Variants in KCNN2 observed in about 807,000 individuals in gnomAD.
The protein encoded by KCNN2 is potassium calcium-activated channel subfamily N member 2, also known as small conductance calcium-activated potassium channel protein 2.
Under a neutral mutation model 55.5 loss-of-function variants are expected in KCNN2, and 24 were observed. That is an observed-to-expected ratio of 0.43 (90% CI 0.31 to 0.61). The LOEUF (loss-of-function observed/expected upper bound fraction) is 0.61. KCNN2 is among the 20% of genes least tolerant of loss of function. The pLI, the probability that KCNN2 is intolerant of heterozygous loss-of-function variation, is 0.08. For synonymous variants in KCNN2, 431 were observed against 336.1 expected, an observed-to-expected ratio of 1.28 and a Z score of -3.09; for missense variants, 754 against 853.6, an observed-to-expected ratio of 0.88 and a Z score of 1.45.
intron 3 of KCNN2, among the ~76,000 whole-genome samples, chr5:114,410,672 A>G (rs2150074451): frequency 6.6e-6 from 1 of 152,172 alleles, no homozygotes; most frequent in Non-Finnish European, 1.5e-5. Context: ...TTGGGGATGG[A>G]AAGGAAAAGA....
intron 2 of KCNN2, among the ~76,000 whole-genome samples, chr5:114,286,266 C>A (rs1261951872): frequency 2.0e-5 from 3 of 152,058 alleles, no homozygotes; most frequent in Non-Finnish European, 4.4e-5. Flanking sequence ...ATGGGAAGGG[C>A]AGGATTAGAG....
At chr5:114,318,828 G>T (rs1386617486) in intron 2 of KCNN2, among the ~76,000 whole-genome samples, 1 of 151,866 alleles carries the variant, frequency 6.6e-6, no homozygotes, top group South Asian at 2.1e-4. Context: ...GGGAAATCTT[G>T]TTTCCTATAT....
At chr5:114,364,126 G>T in intron 2 of KCNN2, 125 bp downstream of exon 2, 1 of 690,434 alleles carries the variant, frequency 1.4e-6, no homozygotes, top group South Asian at 1.7e-5. Context: ...GACACATGCT[G>T]TATTGTTACC....
chr5:114,307,464 C>T (rs1189858294), intron 2 of KCNN2, among the ~76,000 whole-genome samples: 1 of 152,124 alleles, frequency 6.6e-6, no homozygotes, highest in African/African-American at 2.4e-5. Flanking sequence ...TCAACCTTTC[C>T]TCTGATGCTT....
chr5:114,175,518 T>C (rs1753116903), intron 1 of KCNN2, among the ~76,000 whole-genome samples: 1 of 152,148 alleles, frequency 6.6e-6, no homozygotes, highest in Non-Finnish European at 1.5e-5. Flanking sequence ...TTTGTTGATA[T>C]ACTCAAAGAG....
chr5:114,093,118 A>C (rs1175336330), intron 1 of KCNN2, among the ~76,000 whole-genome samples: 2 of 152,082 alleles, frequency 1.3e-5, no homozygotes, highest in Non-Finnish European at 2.9e-5. Flanking sequence ...CATAAGTTCC[A>C]ATTTCAGATC....
chr5:114,157,352 T>A (rs540412345), intron 1 of KCNN2, among the ~76,000 whole-genome samples: 22 of 152,286 alleles, frequency 1.4e-4, no homozygotes, highest in Non-Finnish European at 2.6e-4. Context: ...TTTTTATGGC[T>A]GCCTAGTATT....
At chr5:114,309,902 C>T (rs1037573942) in intron 2 of KCNN2, among the ~76,000 whole-genome samples, 3 of 152,066 alleles carry the variant, frequency 2.0e-5, no homozygotes, top group South Asian at 4.1e-4. Flanking sequence ...TTTTGAAAGA[C>T]GAAAATAGAG....
chr5:114,397,374 C>T (rs570796299), intron 2 of KCNN2, among the ~76,000 whole-genome samples: 1 of 152,218 alleles, frequency 6.6e-6, no homozygotes, highest in African/African-American at 2.4e-5. Context: ...TCTGCAACCT[C>T]ACCAGCATCT....
chr5:114,342,216 A>T (rs1171246294), intron 2 of KCNN2, among the ~76,000 whole-genome samples: 6 of 144,406 alleles, frequency 4.2e-5, no homozygotes, highest in South Asian at 4.6e-4. Flanking sequence ...TTTTTTTTTT[A>T]AATTATATCT....
At chr5:114,492,886 GT>G (rs35402367) in intron 6 of KCNN2, among the ~76,000 whole-genome samples, 337 of 147,826 alleles carry the variant, frequency 2.3e-3, no homozygotes, top group African/African-American at 6.8e-3. Context: ...TTGAATAAAA[GT>G]TTTTTTTTTT....
chr5:114,251,399 C>G (rs546959365), intron 2 of KCNN2, among the ~76,000 whole-genome samples: 1 of 152,324 alleles, frequency 6.6e-6, no homozygotes, highest in East Asian at 1.9e-4. Context: ...AATTACTTAA[C>G]TTTTCTGAGT....
At chr5:114,462,621 G>A (rs1400025747) in intron 3 of KCNN2, among the ~76,000 whole-genome samples, 2 of 152,140 alleles carry the variant, frequency 1.3e-5, no homozygotes, top group African/African-American at 2.4e-5. Flanking sequence ...GGAAATCGAG[G>A]TAGCAAAGGC....
In KCNN2 at chr5:114,167,401, G is replaced by A. The variant is rs536396601; in HGVS notation, c.-270-54079G>A. On this transcript the variant is annotated intron_variant, in intron 1 of 10. Coordinates refer to the KCNN2 transcript ENST00000512097. ...ACTTCTCTCTCCTCACTTGGAGCAT[G>A]TAATCTTACCATCAACTTCAGAGCA... Among the ~76,000 whole-genome samples the A allele has an allele frequency of 2.6e-5, 4 of 152,250 alleles. No individual in the cohort carries two copies. In the South Asian group the frequency reaches 8.3e-4, roughly 31 times the overall value.
At chr5:114,412,337 ATAACT>A (rs910083919) in intron 3 of KCNN2, among the ~76,000 whole-genome samples, 2 of 152,208 alleles carry the variant, frequency 1.3e-5, no homozygotes, top group South Asian at 2.1e-4. Context: ...ATGTCTTTTA[ATAACT>A]TAATCTGTTC....
At chr5:114,401,859 T>C (rs749372353) in intron 2 of KCNN2, among the ~76,000 whole-genome samples, 7 of 152,192 alleles carry the variant, frequency 4.6e-5, no homozygotes, top group African/African-American at 1.2e-4. Flanking sequence ...CAAAACCAGA[T>C]TGCAGAATGG....
At chr5:114,060,767 A>C (rs1292391859) in intron 1 of KCNN2, among the ~76,000 whole-genome samples, 1 of 152,190 alleles carries the variant, frequency 6.6e-6, no homozygotes, top group Non-Finnish European at 1.5e-5. Context: ...TAAGATAAGG[A>C]TGTGAAGTTT....
chr5:114,490,229 G>C (rs2150140181), intron 6 of KCNN2, among the ~76,000 whole-genome samples: 1 of 152,258 alleles, frequency 6.6e-6, no homozygotes, highest in South Asian at 2.1e-4. Flanking sequence ...TGTATATCAT[G>C]AGAGTTGGAT....
In KCNN2 at chr5:114,288,493, T is replaced by C. The variant is rs1293497216; in HGVS notation, c.-185+66928T>C. 3.5e-3 allele frequency among the ~76,000 whole-genome samples: 76 copies of C among 21,716 alleles called. 1 individual carries two copies. Among genetic ancestry groups the C allele is most frequent in the African/African-American group, 9.0e-3 (70 of 7,804 alleles). The allele number at this position is 21,716 out of a possible 152,430, so 14.2% of individuals were successfully genotyped here. A position where few individuals can be genotyped will look rare whatever the true frequency, so the allele number is the denominator to read the frequency against. On this transcript the variant is annotated intron_variant, in intron 2 of 10. Transcript: ENST00000512097. ...GACATCTTTGCCATTACTTTATATA[T>C]ATATATACACACACACACACACACA...
Sources: gnomAD v4.1 joint callset for allele counts (sites outside exome capture counted in the v4.1 genomes callset) on GRCh38, gnomAD v4.1.1 for gene constraint, MANE v1.5 for transcripts, NCBI Gene and HGNC (gene_info 2026-07-23, HGNC 2026-07-21) for gene names.